The following ATXN7 variants were observed in gnomAD, a reference collection of about 807,000 sequenced individuals.
The protein encoded by ATXN7 is ataxin 7.
A neutral mutation model predicts 70.5 loss-of-function variants in ATXN7; 12 were observed. The observed-to-expected ratio is 0.17, with a 90% CI of 0.11 to 0.28. The LOEUF (loss-of-function observed/expected upper bound fraction) is 0.28, where lower values mean the gene tolerates loss of function less well. ATXN7 is among the 10% of genes least tolerant of loss of function. The probability of loss-of-function intolerance (pLI) is 1.00; values close to 1 mark genes in which losing one functional copy is unlikely to be tolerated. For synonymous variants in ATXN7, 498 were observed against 448.7 expected (o/e 1.11, Z -1.39); for missense variants, 1,256 against 1,131.7 (o/e 1.11, Z -1.58).
At chr3:63,915,235 T>C (rs555319895) in intron 4 of ATXN7, among the ~76,000 whole-genome samples, 2 of 152,234 alleles carry the variant, frequency 1.3e-5, no homozygotes, top group South Asian at 4.1e-4. Context: ...GCCTGGCCCT[T>C]GTTAGTGTTT....
intron 5 of ATXN7, among the ~76,000 whole-genome samples, chr3:63,958,249 G>A (rs1288985468): frequency 2.0e-5 from 3 of 152,092 alleles, no homozygotes; most frequent in Admixed American, 6.5e-5. Context: ...AGGTGGTTTG[G>A]ATTCTTTTAG....
At chr3:63,871,733 T>G (rs1702596847) in intron 1 of ATXN7, among the ~76,000 whole-genome samples, 1 of 152,186 alleles carries the variant, frequency 6.6e-6, no homozygotes. Context: ...TAGTCATCTT[T>G]GAAGTATATG....
intron 4 of ATXN7, among the ~76,000 whole-genome samples, chr3:63,938,795 A>C (rs897082385): frequency 6.6e-6 from 1 of 152,220 alleles, no homozygotes; most frequent in Non-Finnish European, 1.5e-5. Flanking sequence ...TTTTGGACAC[A>C]GGAGATTTAT....
intron 2 of ATXN7, among the ~76,000 whole-genome samples, chr3:63,900,091 G>GCAACAACAA (rs150452950): frequency 6.6e-6 from 1 of 151,860 alleles, no homozygotes; most frequent in Non-Finnish European, 1.5e-5. Context: ...TAAAAAACAA[G>GCAACAACAA]CAACAACAAC....
At chr3:63,958,617 A>G (rs753498355) in intron 5 of ATXN7, among the ~76,000 whole-genome samples, 17 of 152,218 alleles carry the variant, frequency 1.1e-4, no homozygotes, top group Non-Finnish European at 2.4e-4. Flanking sequence ...AGTTTTTAAC[A>G]TGTCATTTTA....
At chr3:63,956,512 C>G (rs28675788) in intron 5 of ATXN7, among the ~76,000 whole-genome samples, 23,731 of 150,774 alleles carry the variant, frequency 0.16, 2,148 homozygotes, top group East Asian at 0.39. Context: ...GGATCCCAAA[C>G]CTGCTGTGCA....
intron 1 of ATXN7, among the ~76,000 whole-genome samples, chr3:63,895,634 A>C (rs1304535697): frequency 6.6e-6 from 1 of 152,098 alleles, no homozygotes; most frequent in Non-Finnish European, 1.5e-5. Flanking sequence ...GCTTTGGGCC[A>C]CTCAGGGGCT....
At chr3:63,998,403 T>C (rs1046702207) in intron 12 of ATXN7, 4 of 985,278 alleles carry the variant, frequency 4.1e-6, no homozygotes, top group African/African-American at 1.7e-5. Flanking sequence ...CACTTTTTTT[T>C]CTCTTCTTAA....
intron 1 of ATXN7, among the ~76,000 whole-genome samples, chr3:63,889,526 G>A (rs1390206110): frequency 1.3e-5 from 2 of 152,168 alleles, no homozygotes; most frequent in Non-Finnish European, 2.9e-5. Flanking sequence ...ATAGGCAAGG[G>A]CTAGAAATAG....
intron 1 of ATXN7, among the ~76,000 whole-genome samples, chr3:63,893,745 T>C (rs1703357919): frequency 6.6e-6 from 1 of 152,178 alleles, no homozygotes; most frequent in Admixed American, 6.5e-5. Flanking sequence ...TGACTTGATC[T>C]TCAGTGGAGT....
At chr3:63,885,743 A>G (rs1278042712) in intron 1 of ATXN7, among the ~76,000 whole-genome samples, 1 of 152,178 alleles carries the variant, frequency 6.6e-6, no homozygotes, top group African/African-American at 2.4e-5. Flanking sequence ...TAGGCCAGGC[A>G]CAGTGGCTCA....
chr3:63,967,344 G>C (rs2075243159), intron 5 of ATXN7, among the ~76,000 whole-genome samples: 1 of 152,074 alleles, frequency 6.6e-6, no homozygotes, highest in African/African-American at 2.4e-5. Flanking sequence ...CAGATATTTT[G>C]TTACTAGATT....
intron 4 of ATXN7, among the ~76,000 whole-genome samples, chr3:63,942,418 C>G (rs960502913): frequency 6.6e-6 from 1 of 152,180 alleles, no homozygotes; most frequent in Non-Finnish European, 1.5e-5. Flanking sequence ...ACAGGAGGCA[C>G]TCCATAATTG....
intron 5 of ATXN7, among the ~76,000 whole-genome samples, chr3:63,970,690 A>G (rs1304372652): frequency 6.6e-6 from 1 of 152,148 alleles, no homozygotes; most frequent in Non-Finnish European, 1.5e-5. Context: ...AGGTTGCCAT[A>G]TTTCTGCTCC....
At chr3:63,887,849 A>G (rs1243717074) in intron 1 of ATXN7, among the ~76,000 whole-genome samples, 4 of 149,932 alleles carry the variant, frequency 2.7e-5, no homozygotes, top group Non-Finnish European at 4.4e-5. Flanking sequence ...CTGGGATTAC[A>G]GATGTGTATC....
At position 63,995,725 on chromosome 3, in the gene ATXN7, A is replaced by T. The variant is rs556047926; in HGVS notation, c.1903A>T (p.Met635Leu). ...TGCACAGCCTGCTGCTTCAGGGGCGATGGATCCTGTGTGCAGTATGCAATC... is the reference window on the plus strand; with the variant it reads ...TGCACAGCCTGCTGCTTCAGGGGCGTTGGATCCTGTGTGCAGTATGCAATC... ...LNAQPAASGA[M>L]DPVCSMQSRQ... Residue 635 changes from methionine to leucine, a missense_variant, in exon 12 of 13, where the codon ATG (methionine) becomes TTG (leucine). Coordinates refer to ENST00000674280, the MANE Select transcript of ATXN7 (RefSeq NM_001377405.1). 4.8e-5 allele frequency: 78 copies of T among 1,614,222 alleles called. 2 individuals carry two copies. In the South Asian group the frequency reaches 7.5e-4, roughly 15 times the overall value.
At chr3:63,977,917 C>T (rs923607242) in intron 5 of ATXN7, among the ~76,000 whole-genome samples, 1 of 152,130 alleles carries the variant, frequency 6.6e-6, no homozygotes, top group Non-Finnish European at 1.5e-5. Flanking sequence ...TTGGTAAGAA[C>T]GATGAAAATA....
At chr3:63,965,296 G>A (rs890403367) in intron 5 of ATXN7, among the ~76,000 whole-genome samples, 2 of 152,236 alleles carry the variant, frequency 1.3e-5, no homozygotes, top group Middle Eastern at 3.4e-3. Flanking sequence ...GTGGGAGGAG[G>A]CAGTATCAGT....
At chr3:63,986,650 G>T (rs544996410) in intron 8 of ATXN7, among the ~76,000 whole-genome samples, 98 of 152,126 alleles carry the variant, frequency 6.4e-4, no homozygotes, top group African/African-American at 2.0e-3. Flanking sequence ...TGGTCTTTAG[G>T]TTACTTTCTT....
Sources: allele counts gnomAD v4.1 joint callset (sites outside exome capture counted in the v4.1 genomes callset), GRCh38; gene constraint gnomAD v4.1.1; transcripts MANE v1.5; gene names NCBI Gene and HGNC (gene_info 2026-07-23, HGNC 2026-07-21).